PPARA: variants seen among roughly 807,000 people sequenced by gnomAD.
PPARA encodes the protein peroxisome proliferator-activated receptor alpha.
A neutral mutation model predicts 42.2 loss-of-function variants in PPARA; 22 were observed. That is an observed-to-expected ratio of 0.52 (90% CI 0.37 to 0.74). PPARA has a LOEUF of 0.74. PPARA is among the 30% of genes least tolerant of loss of function. PPARA has a pLI of 0.00. For missense variants in PPARA, 465 were observed against 608.2 expected (o/e 0.76, Z 2.48); for synonymous variants, 242 against 239.3 (o/e 1.01, Z -0.10).
chr22:46,231,674 G>A lies in PPARA; in HGVS notation c.712-118G>A. 2 of 1,045,428 alleles carry A rather than the reference G, an allele frequency of 1.9e-6. No individual in the cohort carries two copies. The highest frequency in any genetic ancestry group is 2.7e-5 in the South Asian group (2 of 73,302). The allele number at this position is 1,045,428 out of a possible 1,614,324, so 64.8% of individuals were successfully genotyped here. A position where few individuals can be genotyped will look rare whatever the true frequency, so the allele number is the denominator to read the frequency against. ...GGACTATGTTCCGCGGGTATCTTGAGTCCTCTGAGGCACTGAGCTTGGTGA... is the reference window on the plus strand; with the variant it reads ...GGACTATGTTCCGCGGGTATCTTGAATCCTCTGAGGCACTGAGCTTGGTGA... On this transcript the variant is annotated intron_variant, in intron 7 of 8. Transcript: ENST00000407236. The surrounding 1 kb of genome is among the most constrained non-coding windows in gnomAD (Gnocchi z 7.7).
intron 7 of PPARA, among the ~76,000 whole-genome samples, chr22:46,228,615 C>T (rs1289725332): frequency 6.6e-6 from 1 of 152,150 alleles, no homozygotes; most frequent in East Asian, 1.9e-4. Flanking sequence ...CTGCATTTGT[C>T]CTGGGAGATG....
intron 2 of PPARA, among the ~76,000 whole-genome samples, chr22:46,166,211 T>C (rs970175281): frequency 3.3e-5 from 5 of 152,140 alleles, no homozygotes; most frequent in African/African-American, 1.2e-4. Context: ...TCAAAGTCAG[T>C]CTGTGATTGG....
At chr22:46,175,475 A>G (rs916295046) in intron 2 of PPARA, among the ~76,000 whole-genome samples, 1 of 151,694 alleles carries the variant, frequency 6.6e-6, no homozygotes, top group Non-Finnish European at 1.5e-5. Flanking sequence ...GCACTTTGGG[A>G]GGCCGAGGCA....
At position 46,182,887 on chromosome 22, in the gene PPARA, G is replaced by T. The variant is rs1930165776; in HGVS notation, c.-43+6051G>T. ...AGCCTCCCAAGTAGCTGAGACTACA[G>T]GCATACGCCACCATGCCCAGCTAAT... is the stretch of plus-strand genomic sequence containing the variant. On this transcript the variant is annotated intron_variant, in intron 3 of 8. Coordinates refer to ENST00000407236, the MANE Select transcript of PPARA (RefSeq NM_005036.6). This position sits in a 1 kb window ranked among gnomAD's most constrained non-coding sequence, Gnocchi z 5.2. Among the ~76,000 whole-genome samples, 1 of 152,138 alleles carries T rather than the reference G, an allele frequency of 6.6e-6. No individual in the cohort carries two copies. Among genetic ancestry groups the T allele is most frequent in the Admixed American group, 6.5e-5 (1 of 15,276 alleles).
intron 7 of PPARA, chr22:46,220,243 A>G (rs1473654213): frequency 3.4e-6 from 2 of 592,212 alleles, no homozygotes; most frequent in Non-Finnish European, 6.0e-6. Context: ...CTAAGTTATT[A>G]TACTGGCTAT....
intron 2 of PPARA, among the ~76,000 whole-genome samples, chr22:46,157,349 G>A (rs944561246): frequency 5.9e-5 from 9 of 152,158 alleles, no homozygotes; most frequent in Admixed American, 3.9e-4. Context: ...TGCAGACAGC[G>A]GCACCTACGG....
At position 46,218,279 on chromosome 22, in the gene PPARA, C is replaced by T. The variant is rs747200358; in HGVS notation, c.386C>T (p.Thr129Met). The T allele has an allele frequency of 4.3e-6, 7 of 1,613,904 alleles. No individual in the cohort carries two copies. Among genetic ancestry groups the T allele is most frequent in the African/African-American group, 2.7e-5 (2 of 74,858 alleles). ...CCCTCACAGGGCTTCTTTCGGCGAA[C>T]GATTCGACTCAAGCTGGTGTATGAC... ...CEGCKGFFRRTIRLKLVYDKC... is the reference protein window; with the variant it reads ...CEGCKGFFRRMIRLKLVYDKC... Residue 129 changes from threonine to methionine, a missense_variant, in exon 6 of 9, where the codon ACG (threonine) becomes ATG (methionine). Coordinates refer to ENST00000407236, the MANE Select transcript of PPARA (RefSeq NM_005036.6).
At position 46,196,688 on chromosome 22, in the gene PPARA, G is replaced by A. The variant is rs1183839327; in HGVS notation, c.-42-1654G>A. Among the ~76,000 whole-genome samples the A allele has an allele frequency of 6.6e-6, 1 of 152,208 alleles. No individual in the cohort carries two copies. The highest frequency in any genetic ancestry group is 1.9e-4 in the East Asian group (1 of 5,198). On this transcript the variant is annotated intron_variant, in intron 3 of 8. Coordinates refer to ENST00000407236, the MANE Select transcript of PPARA (RefSeq NM_005036.6). The surrounding 1 kb of genome is among the most constrained non-coding windows in gnomAD (Gnocchi z 5.6). ...CCATCTGTGTCCCAGTTACAAGGGA[G>A]GCTCCCTGAGAGCAGGGATCTGATT...
At chr22:46,178,774 G>T (rs113395509) in intron 3 of PPARA, among the ~76,000 whole-genome samples, 2,964 of 152,282 alleles carry the variant, frequency 0.019, 100 homozygotes, top group African/African-American at 0.068. Context: ...GTGCAGGGAT[G>T]TGAGTGTTTG....
chr22:46,174,988 T>C (rs1928804388), intron 2 of PPARA, among the ~76,000 whole-genome samples: 3 of 151,984 alleles, frequency 2.0e-5, no homozygotes, highest in Admixed American at 6.6e-5. Flanking sequence ...CTCAGGTGAC[T>C]GCAACCTCTG....
intron 3 of PPARA, among the ~76,000 whole-genome samples, chr22:46,177,245 T>C (rs949580910): frequency 6.6e-6 from 1 of 150,884 alleles, no homozygotes; most frequent in Admixed American, 6.6e-5. Context: ...AAATAATCTG[T>C]TTAATAGCCT....
chr22:46,218,852 AAAAG>A (rs1313594240), intron 6 of PPARA, among the ~76,000 whole-genome samples: 19 of 127,884 alleles, frequency 1.5e-4, no homozygotes, highest in South Asian at 6.5e-4. Flanking sequence ...AAAAAAAAGA[AAAAG>A]AAAGAAAGAA....
Position 46,180,419 on chromosome 22 carries a change from A to G in PPARA, c.-43+3583A>G, listed in dbSNP as rs79456577. Among the ~76,000 whole-genome samples, 882 of 152,348 alleles carry G rather than the reference A, an allele frequency of 5.8e-3. 7 individuals carry two copies. The highest frequency in any genetic ancestry group is 0.02 in the African/African-American group (842 of 41,580). On this transcript the variant is annotated intron_variant, in intron 3 of 8. Transcript: ENST00000407236. This position sits in a 1 kb window ranked among gnomAD's most constrained non-coding sequence, Gnocchi z 4.2. ...CACTCCCCCACTGAAGTTAGAGTTA[A>G]GAAAGAATATTAATTTTCCTTGTGT...
rs1202674240 is a variant in PPARA, at chr22:46,224,349, C to T, written c.711+4335C>T. 6.6e-6 allele frequency among the ~76,000 whole-genome samples: 1 copy of T among 152,226 alleles called. No individual in the cohort carries two copies. Among genetic ancestry groups the T allele is most frequent in the African/African-American group, 2.4e-5 (1 of 41,464 alleles). The stretch of plus-strand genomic sequence containing the variant: ...GGATGCCCACCACCAGGCCACACTG[C>T]CTGAATCTATTGGCAGAGCTCTGGT... On this transcript the variant is annotated intron_variant, in intron 7 of 8. Coordinates refer to ENST00000407236, the MANE Select transcript of PPARA (RefSeq NM_005036.6). The surrounding 1 kb of genome is among the most constrained non-coding windows in gnomAD (Gnocchi z 5.7).
At chr22:46,181,112 A>C (rs1929894849) in intron 3 of PPARA, among the ~76,000 whole-genome samples, 1 of 152,144 alleles carries the variant, frequency 6.6e-6, no homozygotes, top group Admixed American at 6.5e-5. Flanking sequence ...ATTCAGATGA[A>C]ACTTACACCT....
Position 46,187,736 on chromosome 22 carries a change from A to G in PPARA, c.-42-10606A>G, listed in dbSNP as rs546376369. Among the ~76,000 whole-genome samples, 1 of 152,222 alleles carries G rather than the reference A, an allele frequency of 6.6e-6. No homozygotes were observed. Among genetic ancestry groups the G allele is most frequent in the African/African-American group, 2.4e-5 (1 of 41,516 alleles). On this transcript the variant is annotated intron_variant, in intron 3 of 8. Transcript: ENST00000407236. This position sits in a 1 kb window ranked among gnomAD's most constrained non-coding sequence, Gnocchi z 4.9. ...ATGATTGGCACTGCTGGCCTCTCCT[A>G]CCTCTGCAGACTCACCTCTTGCCAC...
intron 2 of PPARA, among the ~76,000 whole-genome samples, chr22:46,166,519 G>A (rs1250584288): frequency 6.6e-6 from 1 of 151,942 alleles, no homozygotes; most frequent in Non-Finnish European, 1.5e-5. Context: ...TGGGGAGGCT[G>A]AGGCAGGAGA....
At chr22:46,174,749 C>T (rs901727954) in intron 2 of PPARA, among the ~76,000 whole-genome samples, 1 of 151,952 alleles carries the variant, frequency 6.6e-6, no homozygotes, top group African/African-American at 2.4e-5. Context: ...CCTGGGAGTT[C>T]GAGGCTGCAG....
intron 7 of PPARA, among the ~76,000 whole-genome samples, chr22:46,223,497 G>A (rs1601799769): frequency 6.6e-6 from 1 of 151,792 alleles, no homozygotes; most frequent in East Asian, 1.9e-4. Flanking sequence ...ACAAAAATTA[G>A]CTAGGCATGG....
Sources: allele counts gnomAD v4.1 joint callset (sites outside exome capture counted in the v4.1 genomes callset), GRCh38; gene constraint gnomAD v4.1.1; non-coding constraint Gnocchi (gnomAD v3.1); transcripts MANE v1.5; gene names NCBI Gene and HGNC (gene_info 2026-07-23, HGNC 2026-07-21).